The following CCDC77 variants were observed in gnomAD, a reference collection of about 807,000 sequenced individuals.
CCDC77 encodes coiled-coil domain containing 77.
CCDC77 carries 56 observed loss-of-function variants against 66.8 expected under a neutral mutation model. That is an observed-to-expected ratio of 0.84 (90% CI 0.68 to 1.05). The LOEUF (loss-of-function observed/expected upper bound fraction) is 1.05. CCDC77 is among the 50% of genes least tolerant of loss of function. The probability of loss-of-function intolerance (pLI) is 0.00; values close to 1 mark genes in which losing one functional copy is unlikely to be tolerated. For synonymous variants in CCDC77, 196 were observed against 195.2 expected (o/e 1.00, Z -0.03); for missense variants, 570 against 576.8 (o/e 0.99, Z 0.12).
rs753106112 is a variant in CCDC77 at position 438,466 on chromosome 12, G to A, written c.953G>A (p.Arg318Lys). 1.2e-6 allele frequency: 2 copies of A among 1,613,970 alleles called. No homozygotes were observed. Among genetic ancestry groups the A allele is most frequent in the Non-Finnish European group, 1.7e-6 (2 of 1,179,878 alleles). Reference sequence around the variant, plus strand: ...TTGATGTCAAAGATTAAGCAATATAGGGTGCAGTGTAAGAAGAAAGAAGAT... The same window carrying A: ...TTGATGTCAAAGATTAAGCAATATAAGGTGCAGTGTAAGAAGAAAGAAGAT... ...DNLMSKIKQY[R>K]VQCKKKEDKI... The change falls in exon 10 of 13, where the codon AGG becomes AAG. Residue 318 changes from arginine (R) to lysine (K), a missense_variant. Physicochemically the swap from Arg to Lys is conservative, Grantham distance 26 (BLOSUM62 2). Transcript: ENST00000239830.
chr12:408,196 T>G (rs1156772316), intron 2 of CCDC77, among the ~76,000 whole-genome samples: 1 of 152,076 alleles, frequency 6.6e-6, no homozygotes, highest in Non-Finnish European at 1.5e-5. Context: ...GATAAGAAAG[T>G]TTTCACCAAA....
intron 1 of CCDC77, among the ~76,000 whole-genome samples, chr12:391,974 C>G (rs891203616): frequency 6.6e-6 from 1 of 152,228 alleles, no homozygotes; most frequent in African/African-American, 2.4e-5. Context: ...CCACTCCCAC[C>G]TCTCATGCTT....
chr12:399,613 T>C (rs896071687), upstream of CCDC77, among the ~76,000 whole-genome samples: 5 of 152,252 alleles, frequency 3.3e-5, no homozygotes, highest in African/African-American at 1.2e-4. Context: ...ACCAGTTGCA[T>C]TGTGAGTGAG....
chr12:427,184 G>A (rs1429346102), intron 5 of CCDC77, among the ~76,000 whole-genome samples: 5 of 151,948 alleles, frequency 3.3e-5, no homozygotes, highest in Non-Finnish European at 7.4e-5. Context: ...GGCGGAGGTT[G>A]CGGTGAGCTG....
chr12:418,833 G>A, intron 5 of CCDC77, 197 bp downstream of exon 5: 1 of 569,440 alleles, frequency 1.8e-6, no homozygotes, highest in South Asian at 2.0e-5. Flanking sequence ...CGAGTAGCTG[G>A]GAACACAGGT....
chr12:440,564 T>C (rs1945838982), intron 10 of CCDC77, 53 bp from the exon 11 acceptor site: 2 of 1,590,988 alleles, frequency 1.3e-6, no homozygotes, highest in African/African-American at 1.3e-5. Flanking sequence ...GCTACTTGAA[T>C]TACCTGAATT....
Position 420,586 on chromosome 12 carries a change from CA to C in CCDC77, c.413+1951del, listed in dbSNP as rs1398835709. 1.1e-3 allele frequency among the ~76,000 whole-genome samples: 18 copies of C among 15,742 alleles called. 4 individuals are homozygous for C. Among genetic ancestry groups the C allele is most frequent in the African/African-American group, 1.3e-3 (4 of 3,028 alleles). The allele number at this position is 15,742 out of a possible 152,430, so 10.3% of individuals were successfully genotyped here. A position where few individuals can be genotyped will look rare whatever the true frequency, so the allele number is the denominator to read the frequency against. On this transcript the variant is annotated intron_variant, in intron 5 of 12. Transcript: ENST00000239830. The stretch of plus-strand genomic sequence containing the variant: ...AGAGGGTAAAATACACATAGCAGCA[CA>C]CTCCATGTTCCATTACAGTGCACTT...
Position 391,865 on chromosome 12 carries a change from G to A in CCDC77, c.-113+2379G>A, listed in dbSNP as rs192884585. Among the ~76,000 whole-genome samples the A allele has an allele frequency of 1.4e-3, 206 of 152,296 alleles. 3 individuals are homozygous for A. Among genetic ancestry groups the A allele is most frequent in the Admixed American group, 0.012 (183 of 15,298 alleles). On this transcript the variant is annotated intron_variant, in intron 1 of 11. Transcript: ENST00000422000. Reference sequence around the variant, plus strand: ...CTGTAAGAGAAGACAGTGAATAGAAGGGCAGCAAATATTAACATCTCTGGT... The same window carrying A: ...CTGTAAGAGAAGACAGTGAATAGAAAGGCAGCAAATATTAACATCTCTGGT...
intron 4 of CCDC77, among the ~76,000 whole-genome samples, chr12:416,392 T>TATAC (rs1945279615): frequency 2.0e-5 from 1 of 48,994 alleles, no homozygotes; most frequent in African/African-American, 7.8e-5. Context: ...TATATATATA[T>TATAC]ATATATATAT....
chr12:425,223 A>G (rs7303777), intron 5 of CCDC77, among the ~76,000 whole-genome samples: 52,074 of 149,048 alleles, frequency 0.35, 9,940 homozygotes, highest in East Asian at 0.64. Context: ...GAGCCACCGC[A>G]CCCAGCCTCG....
intron 5 of CCDC77, among the ~76,000 whole-genome samples, chr12:422,463 A>G (rs936163951): frequency 6.6e-6 from 1 of 152,230 alleles, no homozygotes; most frequent in Non-Finnish European, 1.5e-5. Flanking sequence ...GGAACACACT[A>G]TGCTACTTTT....
intron 10 of CCDC77, among the ~76,000 whole-genome samples, chr12:439,010 A>C (rs1437574318): frequency 6.6e-6 from 1 of 151,908 alleles, no homozygotes; most frequent in African/African-American, 2.4e-5. Flanking sequence ...CCCGGGAGGC[A>C]GAAGTTGCAG....
intron 2 of CCDC77, among the ~76,000 whole-genome samples, 178 bp from the exon 3 acceptor site, chr12:409,190 A>G (rs1034369473): frequency 6.6e-6 from 1 of 150,864 alleles, no homozygotes; most frequent in African/African-American, 2.5e-5. Context: ...CAGCCTGGGC[A>G]ACAGAGTGAG....
Position 442,088 on chromosome 12 carries a change from C to T in CCDC77, c.*168C>T. 1 of 691,826 alleles carries T rather than the reference C, an allele frequency of 1.4e-6. No homozygotes were observed. Among genetic ancestry groups the T allele is most frequent in the Non-Finnish European group, 2.4e-6 (1 of 410,470 alleles). 42.9% of individuals were successfully genotyped at this position (691,826 alleles called of 1,614,324 possible). On this transcript the variant is annotated 3_prime_UTR_variant, in exon 13 of 13. Coordinates refer to ENST00000239830, the MANE Select transcript of CCDC77 (RefSeq NM_032358.4). ...GGGACCACTAGGAAAGCTTTTCTTG[C>T]ATACTCAGCTTGCTTTATCATTTTT...
At chr12:416,918 TCACCTGGGGTCAGGAGTTC>T (rs1161686906) in intron 4 of CCDC77, among the ~76,000 whole-genome samples, 2 of 96,260 alleles carry the variant, frequency 2.1e-5, no homozygotes, top group Non-Finnish European at 4.3e-5. Context: ...GGCCGGCGGA[TCACCTGGGGTCAGGAGTTC>T]GAGACCAGCC....
At chr12:426,305 A>T (rs565595395) in intron 5 of CCDC77, among the ~76,000 whole-genome samples, 1 of 152,316 alleles carries the variant, frequency 6.6e-6, no homozygotes, top group African/African-American at 2.4e-5. Context: ...CATTTGCCTA[A>T]TTAGTGGCCA....
intron 6 of CCDC77, among the ~76,000 whole-genome samples, chr12:429,399 A>G (rs1456203443): frequency 6.6e-6 from 1 of 151,328 alleles, no homozygotes; most frequent in Non-Finnish European, 1.5e-5. Context: ...ACAGTTCCTG[A>G]GCATTTTTAT....
At chr12:392,421 T>C (rs931566605) in intron 1 of CCDC77, among the ~76,000 whole-genome samples, 10 of 152,150 alleles carry the variant, frequency 6.6e-5, no homozygotes. Context: ...ATTCTCAAAC[T>C]GTTTTGGTGT....
intron 10 of CCDC77, among the ~76,000 whole-genome samples, chr12:440,115 A>C (rs1945832515): frequency 6.6e-6 from 1 of 152,226 alleles, no homozygotes; most frequent in African/African-American, 2.4e-5. Flanking sequence ...GGCAGCAGCC[A>C]GTTGTGGAGG....
Sources: allele counts gnomAD v4.1 joint callset (sites outside exome capture counted in the v4.1 genomes callset), GRCh38; gene constraint gnomAD v4.1.1; transcripts MANE v1.5; gene names NCBI Gene and HGNC (gene_info 2026-07-23, HGNC 2026-07-21).